Variants in CENPE observed in about 807,000 individuals in gnomAD.
CENPE encodes the protein centromere protein E.
Under a neutral mutation model 336.1 loss-of-function variants are expected in CENPE, and 145 were observed. The observed-to-expected ratio is 0.43, with a 90% CI of 0.38 to 0.50. The LOEUF is 0.50. Ranked by LOEUF, CENPE falls within the 20% of genes least tolerant of loss-of-function variation. CENPE has a pLI of 0.00. For synonymous variants in CENPE, 1,013 were observed against 984.8 expected (o/e 1.03, Z -0.54); for missense variants, 2,719 against 3,023.3 (o/e 0.90, Z 2.36).
intron 22 of CENPE, 22 bp downstream of exon 22, chr4:103,158,988 C>A (rs1337733416): frequency 1.3e-6 from 2 of 1,531,602 alleles, no homozygotes; most frequent in East Asian, 4.5e-5. Context: ...GAGCATTTCT[C>A]AAAATAGCAT....
At position 103,113,149 on chromosome 4, in the gene CENPE, TAA is replaced by T. The variant is rs544815354; in HGVS notation, c.7540+1304_7540+1305del. 4.8e-3 allele frequency among the ~76,000 whole-genome samples: 285 copies of T among 59,786 alleles called. 2 individuals are homozygous for T. The highest frequency in any genetic ancestry group is 0.013 in the African/African-American group (225 of 17,550). The allele number at this position is 59,786 out of a possible 152,430, so 39.2% of individuals were successfully genotyped here. A position where few individuals can be genotyped will look rare whatever the true frequency, so the allele number is the denominator to read the frequency against. On this transcript the variant is annotated intron_variant, in intron 46 of 48. Coordinates refer to ENST00000265148, the MANE Select transcript of CENPE (RefSeq NM_001813.3). ...ATGTGTATATATACTTATAAGTATA[TAA>T]GTGTATATATACTTATAAGTATATA...
chr4:103,122,965 T>G lies in CENPE; in HGVS notation c.7049A>C (p.Lys2350Thr). 1 of 1,613,974 alleles carries G rather than the reference T, an allele frequency of 6.2e-7. No individual in the cohort carries two copies. The highest frequency in any genetic ancestry group is 8.5e-7 in the Non-Finnish European group (1 of 1,179,856). The change falls in exon 43 of 49, where the codon AAG becomes ACG. Residue 2350 changes from lysine (K) to threonine (T), a missense_variant. Physicochemically the swap from Lys to Thr is moderately conservative, Grantham distance 78 (BLOSUM62 -1). Around this residue, in one of 5 missense-constraint regions of CENPE, gnomAD observed 2,437 missense variants for 2,513.3 expected, o/e 0.97. Coordinates refer to ENST00000265148, the MANE Select transcript of CENPE (RefSeq NM_001813.3). ...CTGGGCACCAGATGCCAAGGAAGTC[T>G]TCAATGTTTGGTAGTTTTTAAATAG... ...EKLFKNYQTLKTSLASGAQVN... is the reference protein window; with the variant it reads ...EKLFKNYQTLTTSLASGAQVN...
intron 46 of CENPE, among the ~76,000 whole-genome samples, chr4:103,113,454 TACTTATATATAATATATA>T (rs1487447707): frequency 7.2e-6 from 1 of 139,818 alleles, no homozygotes; most frequent in East Asian, 2.0e-4. Flanking sequence ...ACTTACATAT[TACTTATATATAATATATA>T]ACTTATATAT....
chr4:103,163,286 T>G (rs199566177), intron 17 of CENPE, 30 bp from the exon 18 acceptor site: 536 of 1,582,594 alleles, frequency 3.4e-4, no homozygotes, highest in Middle Eastern at 1.4e-3. Flanking sequence ...GAGTAACAAT[T>G]TAGAATCTGA....
At chr4:103,139,380 T>G (rs1173821195) in intron 38 of CENPE, among the ~76,000 whole-genome samples, 1 of 152,160 alleles carries the variant, frequency 6.6e-6, no homozygotes, top group Non-Finnish European at 1.5e-5. Context: ...TATATTTATC[T>G]TCCCTTTTTT....
chr4:103,147,555 G>A lies in CENPE; in HGVS notation c.3935C>T (p.Thr1312Ile). The A allele has an allele frequency of 6.8e-6, 11 of 1,613,842 alleles. No individual in the cohort carries two copies. The highest frequency in any genetic ancestry group is 9.3e-6 in the Non-Finnish European group (11 of 1,179,956). Reference protein sequence around the residue: ...QETMNELELLTEQSTTKDSTT... With the variant: ...QETMNELELLIEQSTTKDSTT... ...TGAGTCCTTGGTTGTGGACTGTTCT[G>A]TTAATAACTCCAGTTCATTCATTGT... Residue 1312 changes from threonine (T) to isoleucine (I), a missense_variant, in exon 29 of 49, where the codon ACA becomes ATA. This residue lies in a region of CENPE where 2,437 missense variants were observed against 2,513.3 expected (regional missense o/e 0.97). Transcript: ENST00000265148.
At chr4:103,113,664 T>C (rs1749809396) in intron 46 of CENPE, among the ~76,000 whole-genome samples, 1 of 146,316 alleles carries the variant, frequency 6.8e-6, no homozygotes, top group Admixed American at 7.0e-5. Context: ...TATATACTTA[T>C]ATATTTATTA....
chr4:103,111,277 G>A (rs980220554), intron 46 of CENPE, among the ~76,000 whole-genome samples: 1 of 152,070 alleles, frequency 6.6e-6, no homozygotes, highest in Non-Finnish European at 1.5e-5. Context: ...CACCCTGACT[G>A]CAGCAATAGC....
At chr4:103,132,960 T>TTATATATAATA (rs747843126) in intron 41 of CENPE, 64 bp from the exon 42 acceptor site, 2 of 148,226 alleles carry the variant, frequency 1.3e-5, no homozygotes, top group African/African-American at 3.6e-5. Flanking sequence ...AATATTTTAT[T>TTATATATAATA]TATATATATA....
chr4:103,149,005 C>T lies in CENPE; in HGVS notation c.3688-6G>A, dbSNP rs372954024. ...TCTTCTTTGGTTTGTAGGCCCTTGG[C>T]GAGTGAAATTTAAAGAATATTGTAA... On this transcript the variant is annotated splice_region_variant and splice_polypyrimidine_tract_variant and intron_variant, in intron 27 of 48. Coordinates refer to ENST00000265148, the MANE Select transcript of CENPE (RefSeq NM_001813.3). The T allele has an allele frequency of 2.4e-5, 39 of 1,607,900 alleles. No homozygotes were observed. The highest frequency in any genetic ancestry group is 5.4e-5 in the African/African-American group (4 of 74,184).
At position 103,159,097 on chromosome 4, in the gene CENPE, C is replaced by A. The variant is rs1039168117; in HGVS notation, c.2514G>T (p.Glu838Asp). 1 of 1,589,800 alleles carries A rather than the reference C, an allele frequency of 6.3e-7. No individual in the cohort carries two copies. The highest frequency in any genetic ancestry group is 1.4e-5 in the African/African-American group (1 of 73,314). Reference protein sequence around the residue: ...DFEQKYKMVLEENERMNQEIV... With the variant: ...DFEQKYKMVLDENERMNQEIV... ...TTTCCTGATTCATTCTCTCATTCTC[C>A]TCAAGGACCATCTTATACTTTTGCT... The change falls in exon 22 of 49, where the codon GAG (glutamate) becomes GAT (aspartate). Residue 838 changes from glutamate (E) to aspartate (D), a missense_variant. Around this residue, in one of 5 missense-constraint regions of CENPE, gnomAD observed 2,437 missense variants for 2,513.3 expected, o/e 0.97. Transcript: ENST00000265148.
intron 8 of CENPE, among the ~76,000 whole-genome samples, chr4:103,190,542 A>G (rs1757215706): frequency 6.6e-6 from 1 of 152,248 alleles, no homozygotes; most frequent in Admixed American, 6.5e-5. Context: ...AGAAATGGAG[A>G]AAGGATTGCC....
intron 47 of CENPE, 110 bp downstream of exon 47, chr4:103,110,718 C>T: frequency 4.6e-6 from 3 of 648,786 alleles, no homozygotes; most frequent in Non-Finnish European, 7.2e-6. Flanking sequence ...ATTACTTTCC[C>T]CATAATGACT....
chr4:103,167,777 A>G (rs747278105), intron 16 of CENPE, among the ~76,000 whole-genome samples: 27 of 152,318 alleles, frequency 1.8e-4, no homozygotes, highest in Admixed American at 2.0e-4. Flanking sequence ...AAATGGTCCC[A>G]TTCCTTGAAG....
At chr4:103,120,741 A>AT (rs958414885) in intron 43 of CENPE, among the ~76,000 whole-genome samples, 242 of 147,672 alleles carry the variant, frequency 1.6e-3, no homozygotes, top group Admixed American at 3.2e-3. Flanking sequence ...AATTTTATTA[A>AT]TTTTTTTTTT....
chr4:103,112,392 C>T lies in CENPE; in HGVS notation c.7541-1381G>A, dbSNP rs368174597. Among the ~76,000 whole-genome samples, 55 of 144,132 alleles carry T rather than the reference C, an allele frequency of 3.8e-4. No individual in the cohort carries two copies. In the East Asian group the frequency reaches 7.0e-3, roughly 18 times the overall value. 94.6% of individuals were successfully genotyped at this position (144,132 alleles called of 152,430 possible). The stretch of plus-strand genomic sequence containing the variant: ...ATACACATATATACATGTGCACGCA[C>T]AAATATACACTTACATATATATGTA... On this transcript the variant is annotated intron_variant, in intron 46 of 48. Coordinates refer to ENST00000265148, the MANE Select transcript of CENPE (RefSeq NM_001813.3).
At chr4:103,143,562 T>C (rs1380276562) in intron 33 of CENPE, among the ~76,000 whole-genome samples, 156 bp from the exon 34 acceptor site, 1 of 152,162 alleles carries the variant, frequency 6.6e-6, no homozygotes, top group Non-Finnish European at 1.5e-5. Context: ...ACATTCTAGA[T>C]ACACTATTCC....
rs561211383 is a variant in CENPE, at chr4:103,125,699, T to TA, written c.6925-2611dup. 1.7e-4 allele frequency among the ~76,000 whole-genome samples: 26 copies of TA among 150,662 alleles called. 1 individual carries two copies. In the South Asian group the frequency reaches 2.3e-3, roughly 13 times the overall value. On this transcript the variant is annotated intron_variant, in intron 42 of 48. Transcript: ENST00000265148. ...CCAACAGGTGAAACCCCGTCTCTACTAAAAAAAATACAAAAATTAGCTGGG... is the reference window on the plus strand; with the variant it reads ...CCAACAGGTGAAACCCCGTCTCTACTAAAAAAAAATACAAAAATTAGCTGGG...
Position 103,143,507 on chromosome 4 carries a change from G to C in CENPE, c.5146-101C>G, listed in dbSNP as rs1460531347. On this transcript the variant is annotated intron_variant, in intron 33 of 48. Transcript: ENST00000265148. Reference sequence around the variant, plus strand: ...AGGTAAAAATCTTCCACCCTCTTCTGAGGCCTCCTAGTTCTCACCCTCTAA... The same window carrying C: ...AGGTAAAAATCTTCCACCCTCTTCTCAGGCCTCCTAGTTCTCACCCTCTAA... The C allele has an allele frequency of 4.0e-6, 3 of 758,792 alleles. No individual in the cohort carries two copies. The African/African-American group carries it at 5.4e-5, about 14-fold the overall frequency. The allele number at this position is 758,792 out of a possible 1,614,324, so 47.0% of individuals were successfully genotyped here.
Sources: gnomAD v4.1 joint callset for allele counts (sites outside exome capture counted in the v4.1 genomes callset) on GRCh38, gnomAD v4.1.1 for gene constraint, gnomAD v4.1.1 regional missense constraint, MANE v1.5 for transcripts, NCBI Gene and HGNC (gene_info 2026-07-23, HGNC 2026-07-21) for gene names.